PHACTR3: variants seen among roughly 807,000 people sequenced by gnomAD.
PHACTR3 encodes phosphatase and actin regulator 3, also known as protein phosphatase 1, regulatory subunit 123.
In PHACTR3, 16 loss-of-function variants were observed where a neutral mutation model predicts 66.8. The observed-to-expected ratio is 0.24, with a 90% CI of 0.16 to 0.36. PHACTR3 has a LOEUF of 0.36. Among genes scored for constraint, PHACTR3 ranks in the 10% least tolerant of loss-of-function variants. PHACTR3 has a pLI of 1.00. For missense variants in PHACTR3, 647 were observed against 719.9 expected, an observed-to-expected ratio of 0.90 and a Z score of 1.16; for synonymous variants, 323 against 292.1, an observed-to-expected ratio of 1.11 and a Z score of -1.08.
chr20:59,753,356 G>A (rs2039670243), intron 3 of PHACTR3, among the ~76,000 whole-genome samples: 1 of 152,166 alleles, frequency 6.6e-6, no homozygotes, highest in Non-Finnish European at 1.5e-5. Context: ...CTCCCCGGAG[G>A]AGACGTGTGC....
intron 4 of PHACTR3, among the ~76,000 whole-genome samples, chr20:59,760,580 C>T (rs191808305): frequency 4.6e-5 from 7 of 152,276 alleles, no homozygotes; most frequent in Admixed American, 2.0e-4. Context: ...GTAAGATGTG[C>T]GTTTCGCCTT....
At chr20:59,591,713 C>T (rs1052425276) in intron 1 of PHACTR3, among the ~76,000 whole-genome samples, 10 of 152,128 alleles carry the variant, frequency 6.6e-5, no homozygotes, top group Non-Finnish European at 1.5e-4. Context: ...CCAGACCCTT[C>T]GCCCATGGCC....
chr20:59,627,877 ATAATC>A (rs2034515764), intron 1 of PHACTR3, among the ~76,000 whole-genome samples: 1 of 152,124 alleles, frequency 6.6e-6, no homozygotes, highest in Non-Finnish European at 1.5e-5. Context: ...CAATATATCT[ATAATC>A]TATTTTTCAA....
At chr20:59,750,223 G>A (rs2039528030) in intron 3 of PHACTR3, among the ~76,000 whole-genome samples, 2 of 152,022 alleles carry the variant, frequency 1.3e-5, no homozygotes, top group African/African-American at 4.8e-5. Flanking sequence ...CTGGTTCTCG[G>A]GGGGCCGGGA....
At chr20:59,629,462 G>T (rs745651548) in intron 1 of PHACTR3, among the ~76,000 whole-genome samples, 1 of 152,316 alleles carries the variant, frequency 6.6e-6, no homozygotes, top group South Asian at 2.1e-4. Flanking sequence ...CTACTCTCTC[G>T]CAGTGCTGGA....
chr20:59,696,073 C>G (rs2037286516), intron 1 of PHACTR3, among the ~76,000 whole-genome samples: 1 of 152,172 alleles, frequency 6.6e-6, no homozygotes, highest in South Asian at 2.1e-4. Context: ...GAGTTAATAT[C>G]CTTAGCCCAG....
At chr20:59,749,401 G>A (rs1018484836) in intron 3 of PHACTR3, among the ~76,000 whole-genome samples, 4 of 152,214 alleles carry the variant, frequency 2.6e-5, no homozygotes, top group African/African-American at 9.7e-5. Context: ...AAAACTTCTA[G>A]GAGCGTTGGC....
At chr20:59,675,518 A>G (rs955258479) in intron 1 of PHACTR3, among the ~76,000 whole-genome samples, 3 of 152,174 alleles carry the variant, frequency 2.0e-5, no homozygotes, top group African/African-American at 7.2e-5. Context: ...TCCGAGGATC[A>G]GAGAGGTGAA....
At chr20:59,756,122 G>C (rs953170277) in intron 4 of PHACTR3, among the ~76,000 whole-genome samples, 11 of 152,176 alleles carry the variant, frequency 7.2e-5, no homozygotes, top group African/African-American at 2.7e-4. Flanking sequence ...TAGGGGAGAA[G>C]GGAGGAAGGA....
chr20:59,610,001 C>T (rs1222269415), intron 1 of PHACTR3, among the ~76,000 whole-genome samples: 1 of 152,150 alleles, frequency 6.6e-6, no homozygotes, highest in African/African-American at 2.4e-5. Flanking sequence ...CACCTGTAAT[C>T]CCAGCAGTTT....
intron 1 of PHACTR3, 55 bp from the exon 2 acceptor site, chr20:59,743,052 G>A (rs2039226962): frequency 3.2e-6 from 5 of 1,574,346 alleles, no homozygotes; most frequent in Non-Finnish European, 4.3e-6. Flanking sequence ...TGGGCCCCCA[G>A]GAGTCACATA....
chr20:59,625,901 G>A (rs920022599), intron 1 of PHACTR3, among the ~76,000 whole-genome samples: 3 of 152,066 alleles, frequency 2.0e-5, no homozygotes, highest in Admixed American at 6.5e-5. Context: ...AGGGTGCACC[G>A]CTTGTATCTG....
intron 8 of PHACTR3, among the ~76,000 whole-genome samples, chr20:59,814,112 C>T (rs1568848283): frequency 2.0e-5 from 3 of 152,304 alleles, no homozygotes; most frequent in South Asian, 4.1e-4. Flanking sequence ...CTGGCTCTCC[C>T]GAGAAGCAGC....
At chr20:59,836,664 C>A in intron 9 of PHACTR3, 104 bp downstream of exon 9, 2 of 1,120,652 alleles carry the variant, frequency 1.8e-6, no homozygotes, top group South Asian at 1.5e-5. Flanking sequence ...AAGCGGAATG[C>A]TCCATGCTCC....
At chr20:59,620,175 A>G (rs2034181169) in intron 1 of PHACTR3, among the ~76,000 whole-genome samples, 1 of 152,232 alleles carries the variant, frequency 6.6e-6, no homozygotes. Context: ...CCTTTAGAGC[A>G]TTTTTAAACT....
rs989434358 is a variant in PHACTR3, at chr20:59,626,897, A to G, written c.118+21765A>G. Reference sequence around the variant, plus strand: ...CTTCAATCAACCAGCATGTTGGGTGATGAGCGCTGTATTGGAGCAGGTGGC... The same window carrying G: ...CTTCAATCAACCAGCATGTTGGGTGGTGAGCGCTGTATTGGAGCAGGTGGC... On this transcript the variant is annotated intron_variant, in intron 1 of 12. Transcript: ENST00000371015. 6 of 152,186 alleles carry G rather than the reference A, an allele frequency of 3.9e-5. No individual in the cohort carries two copies. The East Asian group carries it at 1.2e-3, about 29-fold the overall frequency. 9.4% of individuals were successfully genotyped at this position (152,186 alleles called of 1,614,324 possible).
chr20:59,750,933 T>G (rs2039555822), intron 3 of PHACTR3, among the ~76,000 whole-genome samples: 1 of 152,224 alleles, frequency 6.6e-6, no homozygotes, highest in South Asian at 2.1e-4. Flanking sequence ...TGCACTAGCT[T>G]CAAAAATGTC....
At chr20:59,788,001 G>A (rs1481349037) in intron 7 of PHACTR3, among the ~76,000 whole-genome samples, 1 of 152,110 alleles carries the variant, frequency 6.6e-6, no homozygotes, top group Non-Finnish European at 1.5e-5. Context: ...GGGTACAGGT[G>A]GTATTTGCTT....
At chr20:59,651,887 G>T (rs926265396) in intron 1 of PHACTR3, among the ~76,000 whole-genome samples, 1 of 151,472 alleles carries the variant, frequency 6.6e-6, no homozygotes, top group Non-Finnish European at 1.5e-5. Flanking sequence ...GTAGATAGAC[G>T]GATAGATATG....
Sources: allele counts gnomAD v4.1 joint callset (sites outside exome capture counted in the v4.1 genomes callset), GRCh38; gene constraint gnomAD v4.1.1; transcripts MANE v1.5; gene names NCBI Gene and HGNC (gene_info 2026-07-23, HGNC 2026-07-21).